Variants in MGAT4C observed in about 807,000 individuals in gnomAD.
MGAT4C encodes alpha-1,3-mannosyl-glycoprotein 4-beta-N-acetylglucosaminyltransferase C.
In MGAT4C, 19 loss-of-function variants were observed where a neutral mutation model predicts 40.1. That is an observed-to-expected ratio of 0.47 (90% CI 0.33 to 0.70). The LOEUF (loss-of-function observed/expected upper bound fraction) is 0.70. MGAT4C is among the 30% of genes least tolerant of loss of function. The pLI is 0.02. For missense variants in MGAT4C, 491 were observed against 563.2 expected (o/e 0.87, Z 1.30); for synonymous variants, 181 against 187.1 (o/e 0.97, Z 0.27).
intron 1 of MGAT4C, among the ~76,000 whole-genome samples, chr12:86,248,193 CTCTT>C (rs1434995788): frequency 7.5e-6 from 1 of 133,198 alleles, no homozygotes; most frequent in Non-Finnish European, 1.6e-5. Context: ...AACCTAGTTT[CTCTT>C]CCTTCCTTCC....
At chr12:86,511,695 C>T (rs1054515740) in intron 2 of MGAT4C, among the ~76,000 whole-genome samples, 1 of 151,542 alleles carries the variant, frequency 6.6e-6, no homozygotes, top group Non-Finnish European at 1.5e-5. Context: ...ACTGGATATC[C>T]ATATGGAAAA....
intron 1 of MGAT4C, among the ~76,000 whole-genome samples, chr12:86,135,909 A>T (rs1881876334): frequency 6.6e-6 from 1 of 152,234 alleles, no homozygotes; most frequent in Non-Finnish European, 1.5e-5. Flanking sequence ...TGATTAATTC[A>T]TTGTGACTCG....
At chr12:86,113,206 A>G (rs1170774185) in intron 1 of MGAT4C, among the ~76,000 whole-genome samples, 4 of 151,834 alleles carry the variant, frequency 2.6e-5, no homozygotes, top group Non-Finnish European at 5.9e-5. Context: ...TTAAACTCTA[A>G]TTTTGATTCA....
rs1884247689 is a variant in MGAT4C, at chr12:85,979,234, CA to C, written c.*54del. 1 of 1,408,686 alleles carries C rather than the reference CA, an allele frequency of 7.1e-7. No individual in the cohort carries two copies. Among genetic ancestry groups the C allele is most frequent in the African/African-American group, 1.4e-5 (1 of 69,382 alleles). 87.3% of individuals were successfully genotyped at this position (1,408,686 alleles called of 1,614,324 possible). ...CTTTCCCTCCAAAAGACAAAGGTAG[CA>C]AAAGACGAAGCAGGAAGAACTGCTT... On this transcript the variant is annotated 3_prime_UTR_variant, in exon 5 of 5. Transcript: ENST00000611864.
chr12:86,321,844 AC>A (rs1954397068), intron 4 of MGAT4C, among the ~76,000 whole-genome samples: 1 of 152,070 alleles, frequency 6.6e-6, no homozygotes, highest in Admixed American at 6.6e-5. Flanking sequence ...AACTAGAAAT[AC>A]CATTTGACCC....
intron 2 of MGAT4C, among the ~76,000 whole-genome samples, chr12:86,030,691 A>T (rs1397697172): frequency 6.6e-6 from 1 of 151,854 alleles, no homozygotes; most frequent in Non-Finnish European, 1.5e-5. Context: ...TTTATCATTT[A>T]CTCAGTAGTT....
At chr12:86,517,417 T>A (rs1958711636) in intron 2 of MGAT4C, among the ~76,000 whole-genome samples, 1 of 151,528 alleles carries the variant, frequency 6.6e-6, no homozygotes, top group South Asian at 2.1e-4. Context: ...CAAAAAAAAA[T>A]ATTACTATCT....
chr12:86,726,447 ACTC>A (rs1487762945), intron 2 of MGAT4C, among the ~76,000 whole-genome samples: 1 of 152,214 alleles, frequency 6.6e-6, no homozygotes, highest in East Asian at 1.9e-4. Flanking sequence ...ATATGCCTAA[ACTC>A]CTTCTTATTC....
chr12:86,399,945 A>T (rs1014045521), intron 3 of MGAT4C, among the ~76,000 whole-genome samples: 4 of 152,156 alleles, frequency 2.6e-5, no homozygotes, highest in African/African-American at 9.7e-5. Flanking sequence ...GGGTTGTGGG[A>T]TCCCTGATTT....
intron 1 of MGAT4C, among the ~76,000 whole-genome samples, chr12:86,814,811 T>G (rs1380666890): frequency 6.6e-6 from 1 of 151,946 alleles, no homozygotes; most frequent in Non-Finnish European, 1.5e-5. Context: ...ACAGAGAAAA[T>G]GTGGCCTCTA....
chr12:86,589,322 T>C (rs1419008303), intron 2 of MGAT4C, among the ~76,000 whole-genome samples: 4 of 151,564 alleles, frequency 2.6e-5, no homozygotes, highest in Admixed American at 1.3e-4. Flanking sequence ...ATAAATTCCT[T>C]GACACATACA....
intron 1 of MGAT4C, among the ~76,000 whole-genome samples, chr12:86,740,022 C>A (rs1178721743): frequency 6.6e-6 from 1 of 150,648 alleles, no homozygotes; most frequent in Non-Finnish European, 1.5e-5. Context: ...CATTTTTATC[C>A]CCAAGTCCAT....
chr12:86,676,979 A>G (rs1244638439), intron 2 of MGAT4C, among the ~76,000 whole-genome samples: 1 of 152,080 alleles, frequency 6.6e-6, no homozygotes, highest in East Asian at 1.9e-4. Context: ...CTATTGAAGG[A>G]CCTGTGTAGT....
intron 1 of MGAT4C, among the ~76,000 whole-genome samples, chr12:86,241,060 C>T (rs1951763119): frequency 6.6e-6 from 1 of 152,088 alleles, no homozygotes; most frequent in African/African-American, 2.4e-5. Flanking sequence ...TTAAATTATG[C>T]ATTCCAGGCA....
intron 4 of MGAT4C, among the ~76,000 whole-genome samples, chr12:86,314,014 A>G (rs1227395005): frequency 6.6e-6 from 1 of 152,210 alleles, no homozygotes; most frequent in African/African-American, 2.4e-5. Context: ...TATTTGCTCT[A>G]ATTTACATTT....
At chr12:86,089,711 A>AT (rs961454322) in intron 1 of MGAT4C, among the ~76,000 whole-genome samples, 13 of 150,538 alleles carry the variant, frequency 8.6e-5, no homozygotes, top group African/African-American at 2.7e-4. Context: ...ATTAATAACC[A>AT]TTTTTTTTGC....
At chr12:86,756,751 A>G (rs1190315039) in intron 1 of MGAT4C, among the ~76,000 whole-genome samples, 1 of 152,132 alleles carries the variant, frequency 6.6e-6, no homozygotes, top group East Asian at 1.9e-4. Context: ...AATCCATAAA[A>G]TGATGATATA....
chr12:86,335,526 T>C (rs1954766259), intron 3 of MGAT4C, among the ~76,000 whole-genome samples: 1 of 152,114 alleles, frequency 6.6e-6, no homozygotes, highest in Admixed American at 6.6e-5. Context: ...GAATGGTTTC[T>C]TGGGGTTGGT....
chr12:86,712,565 T>G (rs1408292706), intron 2 of MGAT4C, among the ~76,000 whole-genome samples: 1 of 152,150 alleles, frequency 6.6e-6, no homozygotes, highest in Non-Finnish European at 1.5e-5. Flanking sequence ...TTATGCCATC[T>G]GATGTCACTG....
Sources: gnomAD v4.1 joint callset for allele counts (sites outside exome capture counted in the v4.1 genomes callset) on GRCh38, gnomAD v4.1.1 for gene constraint, MANE v1.5 for transcripts, NCBI Gene and HGNC (gene_info 2026-07-23, HGNC 2026-07-21) for gene names.